Variants in ABTB2 observed in about 807,000 individuals in gnomAD.
The protein encoded by ABTB2 is ankyrin repeat and BTB domain containing 2, also known as ankyrin repeat and BTB/POZ domain-containing protein 2.
Under a neutral mutation model 104.1 loss-of-function variants are expected in ABTB2, and 56 were observed. The ratio of observed to expected loss-of-function variants is 0.54; its 90% CI spans 0.43 to 0.67. The LOEUF is 0.67. Among genes scored for constraint, ABTB2 ranks in the 30% least tolerant of loss-of-function variants. The probability of loss-of-function intolerance (pLI) is 0.00; values close to 1 mark genes in which losing one functional copy is unlikely to be tolerated. For synonymous variants in ABTB2, 606 were observed against 608.2 expected, an observed-to-expected ratio of 1.00 and a Z score of 0.05; for missense variants, 1,279 against 1,407.7, an observed-to-expected ratio of 0.91 and a Z score of 1.46.
intron 8 of ABTB2, 21 bp downstream of exon 8, chr11:34,165,239 C>A: frequency 6.5e-7 from 1 of 1,537,206 alleles, no homozygotes; most frequent in Non-Finnish European, 8.8e-7. Flanking sequence ...TAGACAGAGC[C>A]TCCGGGTAGC....
intron 1 of ABTB2, among the ~76,000 whole-genome samples, chr11:34,274,190 A>T (rs1208990823): frequency 4.1e-5 from 6 of 145,180 alleles, no homozygotes; most frequent in Admixed American, 2.0e-4. Context: ...AAAAAAAAAG[A>T]TATTTAACTA....
chr11:34,311,234 C>T (rs1854849222), intron 1 of ABTB2, among the ~76,000 whole-genome samples: 1 of 152,220 alleles, frequency 6.6e-6, no homozygotes. Context: ...TAAGAGCTGC[C>T]ACCTGTGAGG....
intron 3 of ABTB2, among the ~76,000 whole-genome samples, chr11:34,184,380 G>T (rs1016298596): frequency 6.6e-6 from 1 of 152,226 alleles, no homozygotes; most frequent in African/African-American, 2.4e-5. Flanking sequence ...AGGCAGCTAG[G>T]ATGTAGGGAT....
chr11:34,260,130 G>C (rs1342321948), intron 1 of ABTB2, among the ~76,000 whole-genome samples: 2 of 152,262 alleles, frequency 1.3e-5, no homozygotes, highest in Non-Finnish European at 2.9e-5. Flanking sequence ...GAAAATCTCT[G>C]CTAAATGTAA....
At chr11:34,160,415 G>A in intron 11 of ABTB2, 62 bp from the exon 12 acceptor site, 1 of 1,195,344 alleles carries the variant, frequency 8.4e-7, no homozygotes, top group Admixed American at 1.8e-5. Context: ...CACAGATGCA[G>A]ATACGTCAGG....
In ABTB2 at chr11:34,171,087, C is replaced by T. The variant is rs1352637364; in HGVS notation, c.1398-16G>A. On this transcript the variant is annotated splice_polypyrimidine_tract_variant and intron_variant, in intron 4 of 16. Coordinates refer to ENST00000435224, the MANE Select transcript of ABTB2 (RefSeq NM_145804.3). ...GTGTTCGGGTCTGCCCAGAAGAGACCCAAAGGTGCGTGTGACTGTATGCAG... is the reference window on the plus strand; with the variant it reads ...GTGTTCGGGTCTGCCCAGAAGAGACTCAAAGGTGCGTGTGACTGTATGCAG... 2 of 1,612,034 alleles carry T rather than the reference C, an allele frequency of 1.2e-6. No homozygotes were observed. Among genetic ancestry groups the T allele is most frequent in the East Asian group, 2.2e-5 (1 of 44,870 alleles).
chr11:34,215,870 C>T (rs1853543697), intron 1 of ABTB2, among the ~76,000 whole-genome samples: 1 of 152,084 alleles, frequency 6.6e-6, no homozygotes. Flanking sequence ...AAGTTATTGT[C>T]ACTATTAGGA....
intron 1 of ABTB2, among the ~76,000 whole-genome samples, chr11:34,343,682 C>T (rs1855292544): frequency 6.9e-6 from 1 of 144,748 alleles, no homozygotes; most frequent in Non-Finnish European, 1.6e-5. Context: ...CCAAGTTGGC[C>T]AGGCTGGTCT....
At chr11:34,169,102 A>T (rs1435667239) in intron 5 of ABTB2, among the ~76,000 whole-genome samples, 1 of 152,242 alleles carries the variant, frequency 6.6e-6, no homozygotes, top group Non-Finnish European at 1.5e-5. Flanking sequence ...GCACTTAGAC[A>T]AAGGCCAACA....
At chr11:34,239,767 C>T (rs1027659844) in intron 1 of ABTB2, among the ~76,000 whole-genome samples, 3 of 152,204 alleles carry the variant, frequency 2.0e-5, no homozygotes, top group Admixed American at 6.5e-5. Context: ...CAAGAATCTA[C>T]AGGGAACACT....
At chr11:34,217,429 T>C (rs1853562820) in intron 1 of ABTB2, among the ~76,000 whole-genome samples, 1 of 152,176 alleles carries the variant, frequency 6.6e-6, no homozygotes, top group African/African-American at 2.4e-5. Flanking sequence ...TATAAATAAC[T>C]GTGCACAGGT....
At chr11:34,272,392 T>G (rs914766557) in intron 1 of ABTB2, among the ~76,000 whole-genome samples, 3 of 148,146 alleles carry the variant, frequency 2.0e-5, no homozygotes, top group African/African-American at 7.4e-5. Context: ...AATTAGAGTA[T>G]AATAGCAAAA....
intron 1 of ABTB2, among the ~76,000 whole-genome samples, chr11:34,236,150 T>C (rs540457330): frequency 2.6e-4 from 40 of 150,996 alleles, no homozygotes; most frequent in African/African-American, 8.5e-4. Flanking sequence ...AGATTAAAAA[T>C]AGAAAAAAGA....
At chr11:34,210,928 G>A (rs924898918) in intron 1 of ABTB2, among the ~76,000 whole-genome samples, 2 of 152,184 alleles carry the variant, frequency 1.3e-5, no homozygotes, top group Admixed American at 6.5e-5. Flanking sequence ...GCCCAGATAA[G>A]CCAACCCCTT....
chr11:34,197,162 C>T (rs569924229), intron 3 of ABTB2, among the ~76,000 whole-genome samples, 163 bp downstream of exon 3: 6 of 152,190 alleles, frequency 3.9e-5, no homozygotes, highest in Non-Finnish European at 7.3e-5. Context: ...CCAGTGCAGG[C>T]CTTCATCCAT....
intron 1 of ABTB2, among the ~76,000 whole-genome samples, chr11:34,326,230 G>A (rs1449153021): frequency 6.6e-6 from 1 of 151,962 alleles, no homozygotes; most frequent in Non-Finnish European, 1.5e-5. Context: ...AGTTGACAAT[G>A]GAAAATTAAG....
chr11:34,176,827 A>G (rs2133020870), intron 3 of ABTB2, among the ~76,000 whole-genome samples: 1 of 152,324 alleles, frequency 6.6e-6, no homozygotes, highest in South Asian at 2.1e-4. Context: ...TAGAGTAGGA[A>G]GCTGAGATTC....
chr11:34,197,690 G>T, intron 2 of ABTB2, 152 bp from the exon 3 acceptor site: 1 of 614,044 alleles, frequency 1.6e-6, no homozygotes, highest in Non-Finnish European at 2.8e-6. Flanking sequence ...ACAGGCGGAG[G>T]TGGAAACTGT....
chr11:34,204,694 T>C lies in ABTB2; in HGVS notation c.884-4A>G, dbSNP rs1853386868. 1 of 1,610,734 alleles carries C rather than the reference T, an allele frequency of 6.2e-7. No individual in the cohort carries two copies. Among genetic ancestry groups the C allele is most frequent in the South Asian group, 1.1e-5 (1 of 90,606 alleles). On this transcript the variant is annotated splice_region_variant and splice_polypyrimidine_tract_variant and intron_variant, in intron 1 of 16. Coordinates refer to ENST00000435224, the MANE Select transcript of ABTB2 (RefSeq NM_145804.3). ...TATGCGGGGAGGGAGAGGACACCTA[T>C]GGGGAAAGAAGGCAGACAGGTCACA...
Sources: gnomAD v4.1 joint callset for allele counts (sites outside exome capture counted in the v4.1 genomes callset) on GRCh38, gnomAD v4.1.1 for gene constraint, MANE v1.5 for transcripts, NCBI Gene and HGNC (gene_info 2026-07-23, HGNC 2026-07-21) for gene names.